The following PCDHAC2 variants were observed in gnomAD, a reference collection of about 807,000 sequenced individuals.
PCDHAC2 encodes protocadherin alpha subfamily C, 2, also known as protocadherin alpha-C2.
A neutral mutation model predicts 63.3 loss-of-function variants in PCDHAC2; 24 were observed. The ratio of observed to expected loss-of-function variants is 0.38; its 90% CI spans 0.27 to 0.53. PCDHAC2 has a LOEUF of 0.53. Ranked by LOEUF, PCDHAC2 falls within the 20% of genes least tolerant of loss-of-function variation. The pLI is 0.81. For missense variants in PCDHAC2, 1,181 were observed against 1,275.2 expected (o/e 0.93, Z 1.12); for synonymous variants, 569 against 529.4 (o/e 1.07, Z -1.03).
At position 140,967,810 on chromosome 5, in the gene PCDHAC2, C is replaced by T; in HGVS notation, c.1044C>T (p.His348=). The change falls in exon 1 of 4, where the codon CAC becomes CAT. Residue 348 remains histidine, a synonymous_variant. Coordinates refer to ENST00000289269, the MANE Select transcript of PCDHAC2 (RefSeq NM_018899.6). ...GGGGTCCAGTGCCCATGGCAGGTCA[C>T]TGCAAGGTGCTGGTGGACATCGTGG... The part of the protein sequence containing the change: ...TDRGPVPMAG[H]CKVLVDIVDV... The T allele has an allele frequency of 6.2e-7, 1 of 1,614,176 alleles. No individual in the cohort carries two copies. Among genetic ancestry groups the T allele is most frequent in the Non-Finnish European group, 8.5e-7 (1 of 1,180,030 alleles).
chr5:140,976,267 T>C (rs115616483), intron 1 of PCDHAC2, among the ~76,000 whole-genome samples: 1,952 of 152,234 alleles, frequency 0.013, 51 homozygotes, highest in African/African-American at 0.045. Flanking sequence ...ACACAGACTT[T>C]TGGCAAGGCA....
At position 140,967,405 on chromosome 5, in the gene PCDHAC2, G is replaced by A; in HGVS notation, c.639G>A (p.Lys213=). 6.2e-7 allele frequency: 1 copy of A among 1,612,164 alleles called. No individual in the cohort carries two copies. The highest frequency in any genetic ancestry group is 8.5e-7 in the Non-Finnish European group (1 of 1,178,794). Residue 213 remains lysine (K), a synonymous_variant, in exon 1 of 4, where the codon AAG becomes AAA. Coordinates refer to ENST00000289269, the MANE Select transcript of PCDHAC2 (RefSeq NM_018899.6). ...NSKVLELVLR[K]GLDREQAALH... is the part of the protein sequence containing the mutation. ...AAGTGCTTGAGCTGGTGCTGCGTAA[G>A]GGCCTAGACCGGGAGCAGGCAGCCT...
chr5:141,009,908 A>T lies in PCDHAC2; in HGVS notation c.2995A>T (p.Asn999Tyr). ...NKTQEKKEKGNSTTDNSDQ is the reference protein window; with the variant it reads ...NKTQEKKEKGYSTTDNSDQ ...GACCCAGGAGAAAAAAGAGAAAGGG[A>T]ACAGCACGACTGACAACAGTGACCA... Residue 999 changes from asparagine to tyrosine, a missense_variant, in exon 4 of 4, where the codon AAC (asparagine) becomes TAC (tyrosine). Physicochemically the swap from Asn to Tyr is moderately radical, Grantham distance 143 (BLOSUM62 -2). This residue lies in a region of PCDHAC2 where 968 missense variants were observed against 1,073.5 expected (regional missense o/e 0.90). Transcript: ENST00000289269. 1 of 1,612,966 alleles carries T rather than the reference A, an allele frequency of 6.2e-7. No individual in the cohort carries two copies. The highest frequency in any genetic ancestry group is 1.1e-5 in the South Asian group (1 of 90,886).
chr5:140,970,141 G>T, intron 1 of PCDHAC2, among the ~76,000 whole-genome samples: 1 of 152,166 alleles, frequency 6.6e-6, no homozygotes, highest in East Asian at 1.9e-4. Context: ...AAGGGAAAAA[G>T]AATTCTCCCA....
At chr5:140,972,027 C>A (rs2096514532) in intron 1 of PCDHAC2, among the ~76,000 whole-genome samples, 1 of 152,110 alleles carries the variant, frequency 6.6e-6, no homozygotes, top group African/African-American at 2.4e-5. Flanking sequence ...GATATTCAGG[C>A]ATTTAAGCTA....
intron 1 of PCDHAC2, among the ~76,000 whole-genome samples, chr5:140,976,550 C>CATAA (rs782672542): frequency 1.5e-4 from 23 of 152,064 alleles, no homozygotes; most frequent in African/African-American, 4.6e-4. Flanking sequence ...GACCCTATCT[C>CATAA]ATAAATAAAT....
chr5:141,008,147 G>A (rs782783615), intron 3 of PCDHAC2, among the ~76,000 whole-genome samples: 9 of 152,114 alleles, frequency 5.9e-5, no homozygotes, highest in Non-Finnish European at 1.3e-4. Context: ...CTGCTGAGAG[G>A]TTTGATAAGA....
rs148804197 is a variant in PCDHAC2, at chr5:140,968,325, C to T, written c.1559C>T (p.Ser520Phe). Residue 520 changes from serine (S) to phenylalanine (F), a missense_variant, in exon 1 of 4, where the codon TCC becomes TTC. Ser to Phe is a radical substitution (Grantham distance 155). This residue lies in a region of PCDHAC2 where 968 missense variants were observed against 1,073.5 expected (regional missense o/e 0.90). Transcript: ENST00000289269. ...GAGATTCAAGGGCTGCCAGTCACCT[C>T]CTATGTCTCCATTAACAGTGCCAGT... Reference protein sequence around the residue: ...EREIQGLPVTSYVSINSASGS... With the variant: ...EREIQGLPVTFYVSINSASGS... 1.2e-6 allele frequency: 2 copies of T among 1,613,988 alleles called. No homozygotes were observed. The highest frequency in any genetic ancestry group is 2.7e-5 in the African/African-American group (2 of 74,926).
rs782355791 is a variant in PCDHAC2, at chr5:140,982,576, G to A, written c.2713+13G>A. The A allele has an allele frequency of 5.6e-6, 9 of 1,613,152 alleles. No homozygotes were observed. In the Admixed American group the frequency reaches 6.7e-5, roughly 12 times the overall value. ...AGTGCAACACCAGGTAAAGAGCTGG[G>A]GTCTCTCCATTCTTTCTTGGTTTCT... On this transcript the variant is annotated intron_variant, in intron 3 of 3. Transcript: ENST00000289269.
rs782078145 is a variant in PCDHAC2 at position 140,968,665 on chromosome 5, T to C, written c.1899T>C (p.Phe633=). The C allele has an allele frequency of 2.5e-6, 4 of 1,614,042 alleles. No individual in the cohort carries two copies. Among genetic ancestry groups the C allele is most frequent in the Non-Finnish European group, 3.4e-6 (4 of 1,180,040 alleles). The change falls in exon 1 of 4, where the codon TTT becomes TTC. Residue 633 remains phenylalanine, a synonymous_variant. Coordinates refer to ENST00000289269, the MANE Select transcript of PCDHAC2 (RefSeq NM_018899.6). The part of the protein sequence containing the change: ...HLAQTSDLDL[F]KVELHTGEIR... The stretch of plus-strand genomic sequence containing the variant: ...CCCAGACTTCTGACCTGGACCTCTT[T>C]AAGGTAGAGCTGCACACAGGAGAAA...
intron 3 of PCDHAC2, among the ~76,000 whole-genome samples, chr5:140,997,644 ATGCAATAT>A (rs1287449551): frequency 7.9e-5 from 12 of 151,656 alleles, no homozygotes; most frequent in African/African-American, 2.9e-4. Flanking sequence ...AAATGGGATA[ATGCAATAT>A]GTATTATTAT....
chr5:140,983,523 T>G (rs1186391173), intron 3 of PCDHAC2, among the ~76,000 whole-genome samples: 1 of 152,224 alleles, frequency 6.6e-6, no homozygotes, highest in East Asian at 1.9e-4. Flanking sequence ...CTGTGCCAAG[T>G]ACATTGTATG....
chr5:140,973,078 C>T (rs111586419), intron 1 of PCDHAC2, among the ~76,000 whole-genome samples: 5,544 of 152,208 alleles, frequency 0.036, 303 homozygotes, highest in African/African-American at 0.12. Context: ...GTGGGCCCAG[C>T]TGGCACAACA....
intron 3 of PCDHAC2, 125 bp downstream of exon 3, chr5:140,982,688 A>G: frequency 6.4e-6 from 9 of 1,415,764 alleles, no homozygotes; most frequent in African/African-American, 1.4e-5. Flanking sequence ...CCTTTTTTCC[A>G]TACATACATG....
At chr5:140,983,583 CT>C (rs2153831802) in intron 3 of PCDHAC2, among the ~76,000 whole-genome samples, 1 of 152,306 alleles carries the variant, frequency 6.6e-6, no homozygotes, top group African/African-American at 2.4e-5. Context: ...TTTATTACAT[CT>C]ATTCTACATA....
At chr5:141,005,701 CAAA>C (rs59860837) in intron 3 of PCDHAC2, among the ~76,000 whole-genome samples, 30 of 7,778 alleles carry the variant, frequency 3.9e-3, no homozygotes, top group African/African-American at 0.012. Context: ...AACTCCGTCT[CAAA>C]AAAAAAAAAA....
chr5:140,985,471 G>A (rs926791157), intron 3 of PCDHAC2, among the ~76,000 whole-genome samples: 4 of 152,148 alleles, frequency 2.6e-5, no homozygotes, highest in African/African-American at 9.7e-5. Flanking sequence ...AAAAAATTTG[G>A]TTGTTTCCAG....
At chr5:140,979,104 A>G (rs1563470833) in intron 2 of PCDHAC2, 97 bp downstream of exon 2, 3 of 1,539,000 alleles carry the variant, frequency 1.9e-6, no homozygotes, top group Admixed American at 2.2e-5. Context: ...TGTCAAAACT[A>G]AAAAGCTTTA....
chr5:140,993,462 T>TCACACACACACACA (rs3836747), intron 3 of PCDHAC2, among the ~76,000 whole-genome samples: 3 of 140,938 alleles, frequency 2.1e-5, no homozygotes, highest in African/African-American at 5.3e-5. Flanking sequence ...TCTTTCTTTC[T>TCACACACACACACA]CACACACACA....
Sources: gnomAD v4.1 joint callset for allele counts (sites outside exome capture counted in the v4.1 genomes callset) on GRCh38, gnomAD v4.1.1 for gene constraint, gnomAD v4.1.1 regional missense constraint, MANE v1.5 for transcripts, NCBI Gene and HGNC (gene_info 2026-07-23, HGNC 2026-07-21) for gene names.